Variants in ARHGAP39 observed in about 807,000 individuals in gnomAD.
ARHGAP39 encodes the protein Rho GTPase activating protein 39, also known as rho GTPase-activating protein 39.
A neutral mutation model predicts 106.9 loss-of-function variants in ARHGAP39; 44 were observed. The ratio of observed to expected loss-of-function variants is 0.41; its 90% CI spans 0.32 to 0.53. The LOEUF is 0.53. Among genes scored for constraint, ARHGAP39 ranks in the 20% least tolerant of loss-of-function variants. The pLI, the probability that ARHGAP39 is intolerant of heterozygous loss-of-function variation, is 0.21. For missense variants in ARHGAP39, 1,496 were observed against 1,577.3 expected, an observed-to-expected ratio of 0.95 and a Z score of 0.87; for synonymous variants, 768 against 693.2, an observed-to-expected ratio of 1.11 and a Z score of -1.69.
At chr8:144,698,418 A>G in the ARHGAP39 span, among the ~76,000 whole-genome samples, 1 of 152,142 alleles carries the variant, frequency 6.6e-6, no homozygotes, top group Non-Finnish European at 1.5e-5. Context: ...AGCAACATAG[A>G]CTTAGACAAG....
chr8:144,698,223 T>C, the ARHGAP39 span, among the ~76,000 whole-genome samples: 151,493 of 152,284 alleles, frequency 0.99, 75,355 homozygotes, highest in East Asian at 1. Flanking sequence ...CCCACTCTCT[T>C]TCTTGCCTTT....
intron 1 of ARHGAP39, among the ~76,000 whole-genome samples, chr8:144,669,520 A>C (rs892774852): frequency 6.6e-5 from 10 of 150,384 alleles, no homozygotes; most frequent in African/African-American, 2.4e-4. Flanking sequence ...AAAAAAAAAA[A>C]AAAAAAAGAT....
At chr8:144,593,593 A>G (rs953803919) in intron 2 of ARHGAP39, among the ~76,000 whole-genome samples, 1 of 152,176 alleles carries the variant, frequency 6.6e-6, no homozygotes, top group Admixed American at 6.5e-5. Context: ...ATCAAAATTA[A>G]AACTTTTGTG....
chr8:144,622,070 A>C (rs969018966), intron 1 of ARHGAP39, among the ~76,000 whole-genome samples: 4 of 152,214 alleles, frequency 2.6e-5, no homozygotes, highest in African/African-American at 9.6e-5. Flanking sequence ...AGAAAGCAGG[A>C]AAGAAAAAGA....
At chr8:144,537,594 A>T in intron 7 of ARHGAP39, 127 bp downstream of exon 7, 1 of 839,028 alleles carries the variant, frequency 1.2e-6, no homozygotes, top group Non-Finnish European at 1.9e-6. Context: ...AGGAGGCCAC[A>T]GGCCTGAGGT....
rs528093037 is a variant in ARHGAP39 at position 144,562,385 on chromosome 8, C to T, written c.513-6742G>A. On this transcript the variant is annotated intron_variant, in intron 3 of 11. Coordinates refer to ENST00000377307, the MANE Select transcript of ARHGAP39 (RefSeq NM_025251.3). Reference sequence around the variant, plus strand: ...CATCGGACCCCAGTGGTTTCCATCGCGCTCCAGTGGTTTCCATCGCGCTCC... The same window carrying T: ...CATCGGACCCCAGTGGTTTCCATCGTGCTCCAGTGGTTTCCATCGCGCTCC... 3.0e-4 allele frequency among the ~76,000 whole-genome samples: 45 copies of T among 147,880 alleles called. 1 individual carries two copies. In the South Asian group the frequency reaches 3.2e-3, roughly 11 times the overall value.
chr8:144,545,827 C>G lies in ARHGAP39; in HGVS notation c.1960-17G>C, dbSNP rs2721161. On this transcript the variant is annotated splice_polypyrimidine_tract_variant and intron_variant, in intron 5 of 11. Transcript: ENST00000377307. ...GTCCTCAGACTGAGAAGGACAAATG[C>G]GGCTGGGCTGTTGGGGGTGGGGGAG... 0.58 allele frequency: 863,178 copies of G among 1,481,716 alleles called. 250,496 individuals carry two copies. Among genetic ancestry groups the G allele is most frequent in the African/African-American group, 0.69 (49,708 of 72,030 alleles). 91.8% of individuals were successfully genotyped at this position (1,481,716 alleles called of 1,614,324 possible). A position where few individuals can be genotyped will look rare whatever the true frequency, so the allele number is the denominator to read the frequency against.
intron 1 of ARHGAP39, among the ~76,000 whole-genome samples, chr8:144,661,970 T>C (rs750768449): frequency 2.8e-5 from 4 of 141,056 alleles, no homozygotes; most frequent in Admixed American, 7.3e-5. Flanking sequence ...CACTTTGGAC[T>C]GCTCACCCTC....
At chr8:144,605,902 C>CAGCA in intron 1 of ARHGAP39, 1 of 456,840 alleles carries the variant, frequency 2.2e-6, no homozygotes, top group Non-Finnish European at 4.0e-6. Context: ...GCCCCACACG[C>CAGCA]AGCAGGGAGG....
rs550052045 is a variant in ARHGAP39, at chr8:144,641,510, G to A, written c.-81-35815C>T. On this transcript the variant is annotated intron_variant, in intron 1 of 11. Coordinates refer to ENST00000377307, the MANE Select transcript of ARHGAP39 (RefSeq NM_025251.3). The surrounding 1 kb of genome is among the most constrained non-coding windows in gnomAD (Gnocchi z 5.2). ...AGGCAGGAGCTCAGGCAGGGCCCTG[G>A]CAGCACCACCTGACCTGTCTCCTGG... Among the ~76,000 whole-genome samples, 33 of 152,146 alleles carry A rather than the reference G, an allele frequency of 2.2e-4. No homozygotes were observed. The highest frequency in any genetic ancestry group is 7.7e-4 in the African/African-American group (32 of 41,542).
At chr8:144,690,503 C>T (rs1247270893), upstream of ARHGAP39, among the ~76,000 whole-genome samples, 1 of 152,116 alleles carries the variant, frequency 6.6e-6, no homozygotes, top group African/African-American at 2.4e-5. Context: ...CAGTAGTCAT[C>T]CTAATGGATG....
intron 2 of ARHGAP39, among the ~76,000 whole-genome samples, chr8:144,596,353 A>C (rs1053470513): frequency 1.4e-4 from 21 of 145,906 alleles, no homozygotes; most frequent in African/African-American, 5.5e-4. Context: ...GGCGCTGTCC[A>C]CCACCCCTCA....
intron 2 of ARHGAP39, among the ~76,000 whole-genome samples, chr8:144,588,930 G>A (rs961570384): frequency 3.9e-5 from 6 of 152,360 alleles, no homozygotes; most frequent in Admixed American, 6.5e-5. Flanking sequence ...CCTCCAGGCC[G>A]TGCAGGTCAC....
chr8:144,534,907 C>T (rs1291000498), intron 7 of ARHGAP39, among the ~76,000 whole-genome samples: 1 of 152,148 alleles, frequency 6.6e-6, no homozygotes, highest in Non-Finnish European at 1.5e-5. Context: ...GACACAGAGC[C>T]CAGGGGAAGG....
intron 6 of ARHGAP39, among the ~76,000 whole-genome samples, chr8:144,539,519 G>T (rs949023977): frequency 6.6e-6 from 1 of 152,208 alleles, no homozygotes; most frequent in African/African-American, 2.4e-5. Context: ...TTTTGTTCCA[G>T]AAGTTTTATA....
At chr8:144,665,320 A>T (rs1352087469) in intron 1 of ARHGAP39, among the ~76,000 whole-genome samples, 1 of 152,238 alleles carries the variant, frequency 6.6e-6, no homozygotes, top group East Asian at 1.9e-4. Flanking sequence ...AGTTCAGAAA[A>T]TTTGCAGCCT....
At chr8:144,676,074 A>G (rs1462277509) in intron 1 of ARHGAP39, among the ~76,000 whole-genome samples, 2 of 152,204 alleles carry the variant, frequency 1.3e-5, no homozygotes, top group African/African-American at 4.8e-5. Flanking sequence ...CGCGGACCCA[A>G]AGAGTGAGCA....
intron 1 of ARHGAP39, among the ~76,000 whole-genome samples, chr8:144,630,403 C>T (rs762337477): frequency 5.3e-5 from 8 of 152,318 alleles, no homozygotes; most frequent in Non-Finnish European, 1.0e-4. Context: ...CCTGGTTCTC[C>T]AGCCCTACGG....
intron 3 of ARHGAP39, among the ~76,000 whole-genome samples, chr8:144,558,991 A>C (rs546918443): frequency 6.6e-6 from 1 of 151,896 alleles, no homozygotes; most frequent in Admixed American, 6.6e-5. Flanking sequence ...GGCGGATCAC[A>C]AGGTCAAGAG....
Sources: allele counts gnomAD v4.1 joint callset (sites outside exome capture counted in the v4.1 genomes callset), GRCh38; gene constraint gnomAD v4.1.1; non-coding constraint Gnocchi (gnomAD v3.1); transcripts MANE v1.5; gene names NCBI Gene and HGNC (gene_info 2026-07-23, HGNC 2026-07-21).